Variants in RSPH3 observed in about 807,000 individuals in gnomAD.
RSPH3 encodes radial spoke head protein 3 homolog.
RSPH3 carries 21 observed loss-of-function variants against 43.8 expected under a neutral mutation model. That is an observed-to-expected ratio of 0.48 (90% CI 0.34 to 0.69). RSPH3 has a LOEUF of 0.69. Among genes scored for constraint, RSPH3 ranks in the 30% least tolerant of loss-of-function variants. RSPH3 has a pLI of 0.01. For missense variants in RSPH3, 487 were observed against 516.0 expected (o/e 0.94, Z 0.54); for synonymous variants, 173 against 179.8 (o/e 0.96, Z 0.30).
downstream of RSPH3, among the ~76,000 whole-genome samples, chr6:158,970,294 T>C (rs2128603576): frequency 6.6e-6 from 1 of 152,320 alleles, no homozygotes; most frequent in Admixed American, 6.5e-5. Flanking sequence ...AGTCAGCTGA[T>C]GATTAGAGAT....
At chr6:158,971,111 C>T (rs541429937), downstream of RSPH3, among the ~76,000 whole-genome samples, 106 of 152,200 alleles carry the variant, frequency 7.0e-4, no homozygotes, top group African/African-American at 2.5e-3. Context: ...TCTGGAGATG[C>T]GGTTTTATTG....
At chr6:158,986,134 A>T in intron 3 of RSPH3, 146 bp downstream of exon 3, 2 of 800,834 alleles carry the variant, frequency 2.5e-6, no homozygotes, top group South Asian at 1.8e-5. Context: ...GTATTTCTTT[A>T]ATAAAGGAAC....
rs1777841672 is a variant in RSPH3, at chr6:158,976,439, A to T, written c.*1099T>A. The T allele has an allele frequency of 6.6e-6, 1 of 152,214 alleles. No individual in the cohort carries two copies. The highest frequency in any genetic ancestry group is 1.5e-5 in the Non-Finnish European group (1 of 68,036). The allele number at this position is 152,214 out of a possible 1,614,324, so 9.4% of individuals were successfully genotyped here. ...AAGAGATTGATGCCACTAACCTTGA[A>T]AGATCTAAGACATTCTCTTAAGTGA... On this transcript the variant is annotated 3_prime_UTR_variant, in exon 8 of 8. Transcript: ENST00000367069.
intron 3 of RSPH3, among the ~76,000 whole-genome samples, 185 bp downstream of exon 3, chr6:158,986,095 C>CACTTG (rs1562563099): frequency 6.6e-6 from 1 of 152,168 alleles, no homozygotes; most frequent in African/African-American, 2.4e-5. Flanking sequence ...AGATTACAGG[C>CACTTG]GTGAGCCAGC....
chr6:158,983,688 C>A lies in RSPH3; in HGVS notation c.466G>T (p.Val156Leu). The A allele has an allele frequency of 6.2e-7, 1 of 1,613,740 alleles. No individual in the cohort carries two copies. Among genetic ancestry groups the A allele is most frequent in the Non-Finnish European group, 8.5e-7 (1 of 1,179,646 alleles). The change falls in exon 4 of 8, where the codon GTG becomes TTG. Residue 156 changes from valine (V) to leucine (L), a missense_variant. Coordinates refer to ENST00000367069, the MANE Select transcript of RSPH3 (RefSeq NM_031924.8). ...TCTCCTTCTAGTATTTGGGTGGCCA[C>A]ATCTTTGCCAGTTTTGGCAGGAATA... ...LFIPAKTGKD[V>L]ATQILEGELF...
At position 158,982,619 on chromosome 6, in the gene RSPH3, G is replaced by C. The variant is rs977299385; in HGVS notation, c.562C>G (p.Leu188Val). The change falls in exon 5 of 8, where the codon CTT becomes GTT. Residue 188 changes from leucine (L) to valine (V), a missense_variant. Transcript: ENST00000367069. ...TCTTCTTCTTCCATTACTTCCAGAA[G>C]AGACTGCTCAATTGTCTTCCCCACC... ...VLVGKTIEQS[L>V]LEVMEEEELA... 1.2e-6 allele frequency: 2 copies of C among 1,613,766 alleles called. No individual in the cohort carries two copies. The highest frequency in any genetic ancestry group is 2.7e-5 in the African/African-American group (2 of 74,850).
At chr6:158,995,842 G>A (rs1286333443) in intron 1 of RSPH3, among the ~76,000 whole-genome samples, 1 of 151,908 alleles carries the variant, frequency 6.6e-6, no homozygotes, top group East Asian at 1.9e-4. Context: ...CTCGTGATCC[G>A]CCCACCTTAG....
chr6:158,995,942 C>T (rs1236521860), intron 1 of RSPH3, among the ~76,000 whole-genome samples: 1 of 152,112 alleles, frequency 6.6e-6, no homozygotes, highest in African/African-American at 2.4e-5. Flanking sequence ...CTACTGGGCC[C>T]ACCTGGATAA....
In RSPH3 at chr6:158,978,273, T is replaced by C. The variant is rs1466247007; in HGVS notation, c.933A>G (p.Arg311=). ...AAAATAACTTACTGTCAAGCACTGT[T>C]CTTCCCACCATGCTATATTCCATGG... ...EKTMEYSMVG[R]TVLDMLIREV... is the part of the protein sequence containing the mutation. Residue 311 remains arginine (R), a synonymous_variant, in exon 7 of 8, where the codon AGA becomes AGG. Transcript: ENST00000367069. 6.4e-7 allele frequency: 1 copy of C among 1,568,398 alleles called. No individual in the cohort carries two copies. The highest frequency in any genetic ancestry group is 1.7e-5 in the Admixed American group (1 of 59,468).
At chr6:158,994,047 A>C in intron 1 of RSPH3, 121 bp from the exon 2 acceptor site, 1 of 564,414 alleles carries the variant, frequency 1.8e-6, no homozygotes, top group Non-Finnish European at 3.1e-6. Flanking sequence ...TTTCTGTTTT[A>C]GTGTGGTCCA....
rs200241091 is a variant in RSPH3 at position 158,999,633 on chromosome 6, T to G, written c.-83A>C. On this transcript the variant is annotated 5_prime_UTR_variant, in exon 1 of 8. Transcript: ENST00000367069. ...TAAGGTGTTGTGGGACCCGGAGAGA[T>G]GTAAGTAGTGCCAAGGGCAAGGATT... is the stretch of plus-strand genomic sequence containing the variant. The G allele has an allele frequency of 5.1e-5, 83 of 1,613,178 alleles. 2 individuals are homozygous for G. The highest frequency in any genetic ancestry group is 2.3e-5 in the Non-Finnish European group (27 of 1,179,746).
At chr6:158,998,297 C>CAAAAAA (rs71297000) in intron 1 of RSPH3, among the ~76,000 whole-genome samples, 15 of 53,918 alleles carry the variant, frequency 2.8e-4, no homozygotes, top group Non-Finnish European at 3.6e-4. Flanking sequence ...TAAAAAAATA[C>CAAAAAA]AAAAAAAAAA....
Position 158,999,880 on chromosome 6 carries a change from G to A in RSPH3, c.-330C>T. ...AGGACTGCGGCACAAGGGACTTCCG[G>A]CTCTTGACTCCGCCCAGCCGCGCCA... On this transcript the variant is annotated 5_prime_UTR_variant, in exon 1 of 8. Coordinates refer to ENST00000367069, the MANE Select transcript of RSPH3 (RefSeq NM_031924.8). 6.2e-7 allele frequency: 1 copy of A among 1,613,608 alleles called. No homozygotes were observed.
chr6:158,998,162 GT>G (rs879672567), intron 1 of RSPH3, among the ~76,000 whole-genome samples: 2 of 146,218 alleles, frequency 1.4e-5, no homozygotes, highest in African/African-American at 2.5e-5. Context: ...AAGAGTTTAT[GT>G]TTTTTTTGCT....
chr6:159,000,058 C>A lies in RSPH3; in HGVS notation c.-508G>T. 7.3e-7 allele frequency: 1 copy of A among 1,370,694 alleles called. No individual in the cohort carries two copies. The allele number at this position is 1,370,694 out of a possible 1,614,324, so 84.9% of individuals were successfully genotyped here. On this transcript the variant is annotated 5_prime_UTR_variant, in exon 1 of 8. Coordinates refer to ENST00000367069, the MANE Select transcript of RSPH3 (RefSeq NM_031924.8). ...TTGCAGGGCTGGTGTTGGCGCCATT[C>A]TCGCAGGCCCACGTGCTCCTGCTCT...
chr6:158,992,331 G>A (rs1246240939), intron 2 of RSPH3, among the ~76,000 whole-genome samples: 3 of 152,088 alleles, frequency 2.0e-5, no homozygotes. Context: ...CCAGGCTGGA[G>A]TGCAGTGGTG....
chr6:158,995,751 C>A (rs1223142683), intron 1 of RSPH3, among the ~76,000 whole-genome samples: 1 of 150,152 alleles, frequency 6.7e-6, no homozygotes, highest in African/African-American at 2.4e-5. Flanking sequence ...CCCGCCACCA[C>A]GCCCGGCTCA....
At chr6:158,978,415 T>C (rs1276646479) in intron 6 of RSPH3, 69 bp from the exon 7 acceptor site, 2 of 758,108 alleles carry the variant, frequency 2.6e-6, no homozygotes, top group African/African-American at 1.7e-5. Flanking sequence ...CTTAATGTAA[T>C]AGACTCATCA....
Position 158,977,377 on chromosome 6 carries a change from C to T in RSPH3, c.*161G>A. The stretch of plus-strand genomic sequence containing the variant: ...ATGAATTCAATTTAAGTTTCATTCT[C>T]AAATTAATTTTATCACATTTGATTG... On this transcript the variant is annotated 3_prime_UTR_variant, in exon 8 of 8. Transcript: ENST00000367069. The T allele has an allele frequency of 1.7e-6, 1 of 601,046 alleles. No homozygotes were observed. The allele number at this position is 601,046 out of a possible 1,614,324, so 37.2% of individuals were successfully genotyped here. A position where few individuals can be genotyped will look rare whatever the true frequency, so the allele number is the denominator to read the frequency against.
Sources: gnomAD v4.1 joint callset for allele counts (sites outside exome capture counted in the v4.1 genomes callset) on GRCh38, gnomAD v4.1.1 for gene constraint, MANE v1.5 for transcripts, NCBI Gene and HGNC (gene_info 2026-07-23, HGNC 2026-07-21) for gene names.